FAM53C: variants seen among roughly 807,000 people sequenced by gnomAD.
FAM53C encodes family with sequence similarity 53 member C.
Under a neutral mutation model 34.7 loss-of-function variants are expected in FAM53C, and 10 were observed. That is an observed-to-expected ratio of 0.29 (90% CI 0.18 to 0.49). FAM53C has a LOEUF of 0.49. FAM53C is among the 20% of genes least tolerant of loss of function. FAM53C has a pLI of 0.99. For missense variants in FAM53C, 442 were observed against 515.3 expected (o/e 0.86, Z 1.38); for synonymous variants, 203 against 203.6 (o/e 1.00, Z 0.03).
At chr5:138,342,857 C>G (rs1349050960) in intron 3 of FAM53C, 1 of 150,242 alleles carries the variant, frequency 6.7e-6, no homozygotes, top group Non-Finnish European at 1.5e-5. Flanking sequence ...AACCCTGTCT[C>G]TACTAAAAAT....
chr5:138,337,616 G>A, upstream of FAM53C: 1 of 303,986 alleles, frequency 3.3e-6, no homozygotes, highest in Non-Finnish European at 6.3e-6. Context: ...AAAGTGTTCT[G>A]GGTGAGGGCA....
At chr5:138,338,391 C>T (rs936667446) in intron 1 of FAM53C, 84 bp downstream of exon 1, 8 of 364,324 alleles carry the variant, frequency 2.2e-5, no homozygotes, top group Non-Finnish European at 3.2e-5. Context: ...TCCCCTCCCC[C>T]AGCCCGACCG....
intron 1 of FAM53C, 71 bp downstream of exon 1, chr5:138,338,378 CT>C (rs1358675320): frequency 2.6e-6 from 1 of 386,416 alleles, no homozygotes; most frequent in African/African-American, 2.2e-5. Flanking sequence ...CTCCTTCCCT[CT>C]TTCCCCTCCC....
upstream of FAM53C, chr5:138,337,925 G>T (rs754020278): frequency 7.8e-7 from 1 of 1,281,158 alleles, no homozygotes. Context: ...CCGTTGGAGG[G>T]AGGGAGGGCA....
chr5:138,339,928 C>T (rs1184486048), intron 1 of FAM53C, among the ~76,000 whole-genome samples: 4 of 152,110 alleles, frequency 2.6e-5, no homozygotes, highest in Admixed American at 1.3e-4. Context: ...GAGTGATCTG[C>T]CCCCAAGGTC....
intron 1 of FAM53C, 110 bp downstream of exon 1, chr5:138,338,417 C>A: frequency 2.9e-6 from 1 of 346,200 alleles, no homozygotes; most frequent in Admixed American, 4.1e-5. Context: ...GCGGCCGGGC[C>A]TCGCTGGCCG....
chr5:138,338,597 C>A (rs1760902026), intron 1 of FAM53C, among the ~76,000 whole-genome samples: 1 of 150,680 alleles, frequency 6.6e-6, no homozygotes, highest in African/African-American at 2.4e-5. Flanking sequence ...GCACCCCCCC[C>A]CCCGCCCCGG....
chr5:138,339,601 ATCCTGCACTTAGGT>A (rs531992827), intron 1 of FAM53C, among the ~76,000 whole-genome samples: 185 of 152,224 alleles, frequency 1.2e-3, no homozygotes, highest in Admixed American at 1.9e-3. Flanking sequence ...CTAGGGTAAA[ATCCTGCACTTAGGT>A]TCCCTCTCTG....
upstream of FAM53C, chr5:138,338,043 C>T (rs1020594910): frequency 7.8e-7 from 1 of 1,289,552 alleles, no homozygotes; most frequent in African/African-American, 1.5e-5. Context: ...GAGGGGGTGA[C>T]TCGTTAGTGA....
At chr5:138,342,741 AAT>A in intron 3 of FAM53C, 1 of 151,452 alleles carries the variant, frequency 6.6e-6, no homozygotes, top group Non-Finnish European at 1.5e-5. Flanking sequence ...AAAAAAAAAA[AAT>A]TGCTGGGCAC....
At chr5:138,341,443 G>A (rs772337777) in intron 2 of FAM53C, 30 bp downstream of exon 2, 10 of 1,574,428 alleles carry the variant, frequency 6.4e-6, no homozygotes, top group South Asian at 1.1e-5. Flanking sequence ...GCTTCTCCAC[G>A]ACCCCCTCCC....
chr5:138,344,126 CA>C (rs1761104921), intron 3 of FAM53C, among the ~76,000 whole-genome samples: 1 of 152,166 alleles, frequency 6.6e-6, no homozygotes, highest in South Asian at 2.1e-4. Context: ...TTGGTCCCTC[CA>C]TCTGTTTGGA....
At chr5:138,341,513 A>G in intron 2 of FAM53C, 100 bp downstream of exon 2, 1 of 1,149,586 alleles carries the variant, frequency 8.7e-7, no homozygotes, top group Non-Finnish European at 1.3e-6. Flanking sequence ...TGTATGAATC[A>G]TGGTACTTAA....
chr5:138,341,920 C>A (rs1358450579), intron 3 of FAM53C, 54 bp downstream of exon 3: 63 of 1,556,894 alleles, frequency 4.0e-5, no homozygotes, highest in African/African-American at 8.1e-5. Flanking sequence ...TCTCTCCACA[C>A]ATTTCTATCA....
upstream of FAM53C, chr5:138,338,080 A>G (rs775139663): frequency 1.6e-6 from 2 of 1,289,730 alleles, no homozygotes; most frequent in South Asian, 2.5e-5. Flanking sequence ...CCTAAATCAA[A>G]GCGCCAGGCT....
intron 3 of FAM53C, among the ~76,000 whole-genome samples, chr5:138,344,472 T>C (rs1465324364): frequency 6.6e-6 from 1 of 152,252 alleles, no homozygotes; most frequent in African/African-American, 2.4e-5. Flanking sequence ...TGTTTGTTTC[T>C]CTTGACTTCT....
In FAM53C at chr5:138,346,732, GA is replaced by G; in HGVS notation, c.955del (p.Thr319GlnfsTer35). The G allele has an allele frequency of 6.2e-7, 1 of 1,614,182 alleles. No individual in the cohort carries two copies. The highest frequency in any genetic ancestry group is 8.5e-7 in the Non-Finnish European group (1 of 1,180,036). ...ATACTCAGGAGGTCTTTGTCTCCAAGAAACAGCCCGGGAAGGCAGCAGCATC... is the reference window on the plus strand; with the variant it reads ...ATACTCAGGAGGTCTTTGTCTCCAAGAACAGCCCGGGAAGGCAGCAGCATC... ...KPYSGGLCLQ[E>X]TAREGSSISP... On this transcript the variant is annotated frameshift_variant, in exon 5 of 5. Coordinates refer to ENST00000239906, the MANE Select transcript of FAM53C (RefSeq NM_016605.3). LOFTEE classifies it high-confidence loss of function.
rs2126885185 is a variant in FAM53C, at chr5:138,340,494, G to A, written c.-152-690G>A. Among the ~76,000 whole-genome samples, 3 of 152,320 alleles carry A rather than the reference G, an allele frequency of 2.0e-5. No homozygotes were observed. The South Asian group carries it at 6.2e-4, about 32-fold the overall frequency. ...TCTATCAGAAGTTGACCACGAGAAA[G>A]AATCTTGGTTAACTGTATCCATGGA... On this transcript the variant is annotated intron_variant, in intron 1 of 4. Transcript: ENST00000239906.
In FAM53C at chr5:138,345,927, C is replaced by T. The variant is rs1761161909; in HGVS notation, c.921+318C>T. Reference sequence around the variant, plus strand: ...TCCCTCCTTTCCAAGAATGCACAAGCTGCAAAAAATTCCATCAGTACCTAC... The same window carrying T: ...TCCCTCCTTTCCAAGAATGCACAAGTTGCAAAAAATTCCATCAGTACCTAC... On this transcript the variant is annotated intron_variant, in intron 4 of 4. Coordinates refer to ENST00000239906, the MANE Select transcript of FAM53C (RefSeq NM_016605.3). This position sits in a 1 kb window ranked among gnomAD's most constrained non-coding sequence, Gnocchi z 6.3. Among the ~76,000 whole-genome samples, 1 of 152,220 alleles carries T rather than the reference C, an allele frequency of 6.6e-6. No individual in the cohort carries two copies. Among genetic ancestry groups the T allele is most frequent in the South Asian group, 2.1e-4 (1 of 4,834 alleles).
Sources: gnomAD v4.1 joint callset for allele counts (sites outside exome capture counted in the v4.1 genomes callset) on GRCh38, gnomAD v4.1.1 for gene constraint, Gnocchi (gnomAD v3.1) non-coding constraint, MANE v1.5 for transcripts, NCBI Gene and HGNC (gene_info 2026-07-23, HGNC 2026-07-21) for gene names.